Variants in COL25A1 observed in about 807,000 individuals in gnomAD.
The protein encoded by COL25A1 is collagen type XXV alpha 1 chain.
Under a neutral mutation model 128.4 loss-of-function variants are expected in COL25A1, and 103 were observed. The observed-to-expected ratio is 0.80, with a 90% CI of 0.68 to 0.94. COL25A1 has a LOEUF of 0.94. Ranked by LOEUF, COL25A1 falls within the 40% of genes least tolerant of loss-of-function variation. COL25A1 has a pLI of 0.00. For synonymous variants in COL25A1, 279 were observed against 277.2 expected, an observed-to-expected ratio of 1.01 and a Z score of -0.06; for missense variants, 745 against 840.0, an observed-to-expected ratio of 0.89 and a Z score of 1.40.
intron 6 of COL25A1, among the ~76,000 whole-genome samples, chr4:109,009,873 C>T (rs150904475): frequency 2.3e-3 from 343 of 152,220 alleles, no homozygotes; most frequent in East Asian, 3.3e-3. Context: ...TTCTGTTGAC[C>T]GCATTCATGC....
At chr4:109,221,374 G>T (rs1225859125) in intron 3 of COL25A1, among the ~76,000 whole-genome samples, 1 of 152,044 alleles carries the variant, frequency 6.6e-6, no homozygotes, top group Non-Finnish European at 1.5e-5. Context: ...AGTGTAAGCT[G>T]CACTTTAAAA....
intron 3 of COL25A1, among the ~76,000 whole-genome samples, chr4:109,059,829 G>A (rs1214363911): frequency 6.6e-6 from 1 of 151,988 alleles, no homozygotes; most frequent in Non-Finnish European, 1.5e-5. Context: ...TATTGTATTC[G>A]CAGTACTTGG....
chr4:108,918,242 G>A (rs776281671), intron 12 of COL25A1, 26 bp from the exon 13 acceptor site: 9 of 1,528,396 alleles, frequency 5.9e-6, no homozygotes, highest in Non-Finnish European at 8.0e-6. Context: ...ATTAAATTCA[G>A]TTGATATCAT....
chr4:108,971,910 G>A (rs557191294), intron 8 of COL25A1, among the ~76,000 whole-genome samples: 3 of 152,326 alleles, frequency 2.0e-5, no homozygotes, highest in African/African-American at 7.2e-5. Flanking sequence ...ATTAAGCACA[G>A]TATCTTAAAG....
At chr4:109,252,772 G>A (rs1189222567) in intron 3 of COL25A1, among the ~76,000 whole-genome samples, 2 of 152,124 alleles carry the variant, frequency 1.3e-5, no homozygotes, top group Non-Finnish European at 2.9e-5. Flanking sequence ...CTTGAACTCT[G>A]CCCACTAGGC....
intron 3 of COL25A1, among the ~76,000 whole-genome samples, chr4:109,297,813 T>C (rs1725117830): frequency 6.6e-6 from 1 of 151,468 alleles, no homozygotes; most frequent in South Asian, 2.1e-4. Flanking sequence ...CCAGACTATT[T>C]AGGTAAACTA....
chr4:109,112,238 G>A (rs80352389), intron 3 of COL25A1, among the ~76,000 whole-genome samples: 4,107 of 152,142 alleles, frequency 0.027, 206 homozygotes, highest in African/African-American at 0.093. Flanking sequence ...TAAATGGGGT[G>A]TAAGATTCCT....
intron 3 of COL25A1, among the ~76,000 whole-genome samples, chr4:109,078,383 C>A (rs556615063): frequency 6.6e-6 from 1 of 152,236 alleles, no homozygotes; most frequent in East Asian, 1.9e-4. Context: ...TTGAGGTTAT[C>A]TATCATAAAT....
intron 3 of COL25A1, among the ~76,000 whole-genome samples, chr4:109,261,626 T>C (rs1399004059): frequency 6.6e-6 from 1 of 152,188 alleles, no homozygotes; most frequent in East Asian, 1.9e-4. Context: ...GGTGCTCCCA[T>C]AGCAGATTAT....
intron 3 of COL25A1, among the ~76,000 whole-genome samples, chr4:109,230,867 G>A (rs954274877): frequency 4.6e-5 from 7 of 152,274 alleles, no homozygotes; most frequent in East Asian, 1.9e-4. Flanking sequence ...AAGGCCGGGC[G>A]CAGCGGCTCA....
In COL25A1 at chr4:108,813,740, G is replaced by A; in HGVS notation, c.*187C>T. 1.8e-6 allele frequency: 1 copy of A among 547,126 alleles called. No homozygotes were observed. Among genetic ancestry groups the A allele is most frequent in the Non-Finnish European group, 3.3e-6 (1 of 302,074 alleles). 33.9% of individuals were successfully genotyped at this position (547,126 alleles called of 1,614,324 possible). ...TATATTTTTTGCAGGATTCTCACTG[G>A]TTTCACAAATTGCCCAATTTCAGAT... On this transcript the variant is annotated 3_prime_UTR_variant, in exon 38 of 38. Transcript: ENST00000399132.
chr4:108,914,320 A>G (rs1744611091), intron 13 of COL25A1, among the ~76,000 whole-genome samples: 2 of 152,204 alleles, frequency 1.3e-5, no homozygotes, highest in South Asian at 4.1e-4. Flanking sequence ...AATGCAGAGA[A>G]AAAAGGGATC....
intron 3 of COL25A1, among the ~76,000 whole-genome samples, chr4:109,093,472 A>AAAAAAAAC (rs765991576): frequency 6.9e-6 from 1 of 145,468 alleles, no homozygotes; most frequent in African/African-American, 2.6e-5. Flanking sequence ...AAAAAAAAAA[A>AAAAAAAAC]AAAACCTTTT....
chr4:109,265,454 TAA>T (rs1236261359), intron 3 of COL25A1, among the ~76,000 whole-genome samples: 3 of 151,926 alleles, frequency 2.0e-5, no homozygotes, highest in African/African-American at 7.3e-5. Context: ...TCCATTAAAC[TAA>T]AGTTATAATT....
chr4:108,946,050 T>C lies in COL25A1; in HGVS notation c.493-4613A>G, dbSNP rs577519569. 5.3e-5 allele frequency among the ~76,000 whole-genome samples: 8 copies of C among 152,290 alleles called. No individual in the cohort carries two copies. In the South Asian group the frequency reaches 1.7e-3, roughly 32 times the overall value. On this transcript the variant is annotated intron_variant, in intron 8 of 37. Transcript: ENST00000399132. Reference sequence around the variant, plus strand: ...ATAAGAGCTGTGAAACTACCATATATATAAAACTTATTTTTTTCCCTCCTG... The same window carrying C: ...ATAAGAGCTGTGAAACTACCATATACATAAAACTTATTTTTTTCCCTCCTG...
intron 37 of COL25A1, among the ~76,000 whole-genome samples, chr4:108,814,388 A>G (rs962574148): frequency 4.0e-4 from 61 of 152,110 alleles, no homozygotes; most frequent in African/African-American, 1.3e-3. Context: ...CCAACACCTG[A>G]CTCTAATCCT....
intron 6 of COL25A1, among the ~76,000 whole-genome samples, chr4:109,001,367 A>C (rs1176657577): frequency 3.1e-4 from 3 of 9,626 alleles, no homozygotes; most frequent in Non-Finnish European, 1.9e-3. Context: ...CACAGTTAAA[A>C]GAAACAGGCA....
chr4:109,231,786 A>T (rs945157687), intron 3 of COL25A1, among the ~76,000 whole-genome samples: 6 of 152,220 alleles, frequency 3.9e-5, no homozygotes, highest in African/African-American at 1.2e-4. Flanking sequence ...CCTGGTCTAA[A>T]CCTCGGCACT....
chr4:109,137,342 G>A (rs529358746), intron 3 of COL25A1, among the ~76,000 whole-genome samples: 1 of 152,282 alleles, frequency 6.6e-6, no homozygotes, highest in South Asian at 2.1e-4. Flanking sequence ...AACACTTTCT[G>A]CTACAAAATT....
Sources: gnomAD v4.1 joint callset for allele counts (sites outside exome capture counted in the v4.1 genomes callset) on GRCh38, gnomAD v4.1.1 for gene constraint, MANE v1.5 for transcripts, NCBI Gene and HGNC (gene_info 2026-07-23, HGNC 2026-07-21) for gene names.